CHIC2: variants seen among roughly 807,000 people sequenced by gnomAD.
CHIC2 encodes cysteine rich hydrophobic domain 2, also known as cysteine-rich hydrophobic domain-containing protein 2.
A neutral mutation model predicts 25.9 loss-of-function variants in CHIC2; 14 were observed. The ratio of observed to expected loss-of-function variants is 0.54; its 90% CI spans 0.36 to 0.85. The LOEUF (loss-of-function observed/expected upper bound fraction) is 0.85. CHIC2 is among the 40% of genes least tolerant of loss of function. The probability of loss-of-function intolerance (pLI) is 0.01; values close to 1 mark genes in which losing one functional copy is unlikely to be tolerated. For missense variants in CHIC2, 146 were observed against 202.0 expected, an observed-to-expected ratio of 0.72 and a Z score of 1.68; for synonymous variants, 70 against 72.0, an observed-to-expected ratio of 0.97 and a Z score of 0.14.
At chr4:54,025,318 G>T (rs1716024721) in intron 3 of CHIC2, among the ~76,000 whole-genome samples, 2 of 151,808 alleles carry the variant, frequency 1.3e-5, no homozygotes, top group African/African-American at 4.8e-5. Flanking sequence ...AAGGTTCTTT[G>T]TAATTCTCCC....
At chr4:54,062,255 T>G (rs1262803144) in intron 1 of CHIC2, among the ~76,000 whole-genome samples, 2 of 152,186 alleles carry the variant, frequency 1.3e-5, no homozygotes, top group African/African-American at 4.8e-5. Context: ...TACTGTTTAT[T>G]GATGATAGAT....
Position 54,023,212 on chromosome 4 carries a change from G to A in CHIC2, c.331-9093C>T, listed in dbSNP as rs115515746. ...CTCTGCGGTCAAAATTCTTACACAA[G>A]AGCCGGAACCGTGCCCTGTAGCCTT... is the stretch of plus-strand genomic sequence containing the variant. On this transcript the variant is annotated intron_variant, in intron 3 of 5. Coordinates refer to ENST00000263921, the MANE Select transcript of CHIC2 (RefSeq NM_012110.4). Among the ~76,000 whole-genome samples the A allele has an allele frequency of 6.1e-3, 930 of 152,082 alleles. 7 individuals are homozygous for A. The highest frequency in any genetic ancestry group is 0.021 in the African/African-American group (873 of 41,466).
chr4:54,016,104 C>A (rs1265276082), intron 3 of CHIC2, among the ~76,000 whole-genome samples: 1 of 152,144 alleles, frequency 6.6e-6, no homozygotes, highest in East Asian at 1.9e-4. Context: ...TTTACTTTTA[C>A]TGATGATTTT....
At chr4:54,080,748 T>C in the CHIC2 span, among the ~76,000 whole-genome samples, 6 of 145,038 alleles carry the variant, frequency 4.1e-5, no homozygotes, top group Non-Finnish European at 6.1e-5. Flanking sequence ...AGAGTGAGAC[T>C]CTGTCTCAAA....
intron 3 of CHIC2, among the ~76,000 whole-genome samples, chr4:54,029,741 A>G (rs1716165702): frequency 6.6e-6 from 1 of 152,214 alleles, no homozygotes; most frequent in Non-Finnish European, 1.5e-5. Context: ...CCAAACACAG[A>G]GTAAATCAGT....
rs776151129 is a variant in CHIC2 at position 54,029,124 on chromosome 4, A to AG, written c.331-15006dup. 7.0e-3 allele frequency among the ~76,000 whole-genome samples: 1,063 copies of AG among 151,176 alleles called. 13 individuals are homozygous for AG. The highest frequency in any genetic ancestry group is 0.023 in the African/African-American group (962 of 41,340). On this transcript the variant is annotated intron_variant, in intron 3 of 5. Transcript: ENST00000263921. Reference sequence around the variant, plus strand: ...CTGACAGAGCGAGACTCCATCTCAAAGAAAAAAAAAAAAAAACAAAAGTCA... The same window carrying AG: ...CTGACAGAGCGAGACTCCATCTCAAAGGAAAAAAAAAAAAAAACAAAAGTCA...
intron 3 of CHIC2, among the ~76,000 whole-genome samples, chr4:54,027,478 T>C (rs1263842464): frequency 6.6e-6 from 1 of 152,186 alleles, no homozygotes; most frequent in East Asian, 1.9e-4. Flanking sequence ...CTGTTTAAGT[T>C]TCAAGGCCAA....
chr4:54,020,528 G>A (rs1020240658), intron 3 of CHIC2, among the ~76,000 whole-genome samples: 9 of 152,112 alleles, frequency 5.9e-5, no homozygotes, highest in African/African-American at 1.4e-4. Context: ...CTGAAGACCC[G>A]GGTCAGAGGG....
the CHIC2 span, among the ~76,000 whole-genome samples, chr4:54,089,078 T>C: frequency 1.3e-5 from 2 of 152,172 alleles, no homozygotes; most frequent in African/African-American, 4.8e-5. Context: ...GATATGGTCC[T>C]ATTTGGTGAC....
At position 54,010,150 on chromosome 4, in the gene CHIC2, A is replaced by C; in HGVS notation, c.448-5T>G. The C allele has an allele frequency of 6.2e-7, 1 of 1,600,442 alleles. No individual in the cohort carries two copies. The highest frequency in any genetic ancestry group is 1.1e-5 in the South Asian group (1 of 90,122). On this transcript the variant is annotated splice_polypyrimidine_tract_variant and splice_region_variant and intron_variant, in intron 5 of 5. Transcript: ENST00000263921. ...TAAAAATTCTATGAGGATGACCTGT[A>C]AAAGGAGAAGAAAAAGGTTTTAAAA...
chr4:54,062,698 A>C (rs1717374363), intron 1 of CHIC2, among the ~76,000 whole-genome samples: 1 of 152,172 alleles, frequency 6.6e-6, no homozygotes, highest in African/African-American at 2.4e-5. Context: ...CTTTGACATG[A>C]GGAATGTAGA....
chr4:54,067,477 C>G (rs1361005221), upstream of CHIC2, among the ~76,000 whole-genome samples: 1 of 152,060 alleles, frequency 6.6e-6, no homozygotes, highest in Non-Finnish European at 1.5e-5. Flanking sequence ...GCCCTGCCAA[C>G]CTTCCAAGAT....
At chr4:54,078,667 T>C in the CHIC2 span, among the ~76,000 whole-genome samples, 261 of 151,940 alleles carry the variant, frequency 1.7e-3, 1 homozygote, top group African/African-American at 5.6e-3. Context: ...AGGCATGCAC[T>C]ACCACACCCC....
the CHIC2 span, among the ~76,000 whole-genome samples, chr4:54,088,025 C>T: frequency 6.6e-5 from 10 of 152,162 alleles, no homozygotes; most frequent in Non-Finnish European, 1.5e-4. Context: ...TTCAGTGGAA[C>T]ATTTTATTGC....
At chr4:54,058,833 A>G (rs996074345) in intron 1 of CHIC2, among the ~76,000 whole-genome samples, 1 of 152,136 alleles carries the variant, frequency 6.6e-6, no homozygotes, top group South Asian at 2.1e-4. Flanking sequence ...TTAGAGTAAT[A>G]TTATTTATTT....
At chr4:54,011,766 T>C (rs1002820053) in intron 5 of CHIC2, among the ~76,000 whole-genome samples, 3 of 152,008 alleles carry the variant, frequency 2.0e-5, no homozygotes, top group Non-Finnish European at 1.5e-5. Context: ...TTGTCTCATT[T>C]ATTCTAAATC....
intron 1 of CHIC2, among the ~76,000 whole-genome samples, chr4:54,055,758 T>C (rs1319388193): frequency 6.6e-6 from 1 of 152,176 alleles, no homozygotes; most frequent in Non-Finnish European, 1.5e-5. Flanking sequence ...GTCATAACTA[T>C]GGAAAAAAAT....
chr4:54,033,608 C>A (rs1716298478), intron 3 of CHIC2, among the ~76,000 whole-genome samples: 1 of 152,112 alleles, frequency 6.6e-6, no homozygotes, highest in Non-Finnish European at 1.5e-5. Flanking sequence ...AAGCCCAGGT[C>A]ACAAGGATTT....
chr4:54,084,461 TCTAA>T, the CHIC2 span, among the ~76,000 whole-genome samples: 2 of 151,144 alleles, frequency 1.3e-5, no homozygotes, highest in Non-Finnish European at 2.9e-5. Flanking sequence ...TTGTTTGGAA[TCTAA>T]CTAACTTGTC....
Sources: gnomAD v4.1 joint callset for allele counts (sites outside exome capture counted in the v4.1 genomes callset) on GRCh38, gnomAD v4.1.1 for gene constraint, MANE v1.5 for transcripts, NCBI Gene and HGNC (gene_info 2026-07-23, HGNC 2026-07-21) for gene names.